ROBO1: variants seen among roughly 807,000 people sequenced by gnomAD.
ROBO1 encodes roundabout homolog 1.
A neutral mutation model predicts 195.9 loss-of-function variants in ROBO1; 149 were observed. The observed-to-expected ratio is 0.76, with a 90% CI of 0.67 to 0.87. The LOEUF (loss-of-function observed/expected upper bound fraction) is 0.87. ROBO1 is among the 40% of genes least tolerant of loss of function. The pLI, the probability that ROBO1 is intolerant of heterozygous loss-of-function variation, is 0.00. For synonymous variants in ROBO1, 816 were observed against 733.2 expected, an observed-to-expected ratio of 1.11 and a Z score of -1.82; for missense variants, 1,933 against 2,068.3, an observed-to-expected ratio of 0.93 and a Z score of 1.27.
intron 4 of ROBO1, among the ~76,000 whole-genome samples, chr3:78,902,759 G>A (rs1382941928): frequency 2.0e-5 from 3 of 152,072 alleles, no homozygotes; most frequent in Non-Finnish European, 2.9e-5. Context: ...CAGGAGAATC[G>A]CTTGAACCCA....
At chr3:79,064,304 T>C (rs781016322) in intron 3 of ROBO1, among the ~76,000 whole-genome samples, 24 of 152,042 alleles carry the variant, frequency 1.6e-4, no homozygotes, top group Non-Finnish European at 3.1e-4. Context: ...CCTTACATAC[T>C]TGTATACACT....
rs181573621 is a variant in ROBO1, at chr3:78,931,698, G to C, written c.499+6903C>G. On this transcript the variant is annotated intron_variant, in intron 4 of 30. Coordinates refer to ENST00000464233, the MANE Select transcript of ROBO1 (RefSeq NM_002941.4). ...AGGTTTAAATTGTCCAGGTACAGTGGCTTATGCCTATAATCACAGCACTTC... is the reference window on the plus strand; with the variant it reads ...AGGTTTAAATTGTCCAGGTACAGTGCCTTATGCCTATAATCACAGCACTTC... Among the ~76,000 whole-genome samples the C allele has an allele frequency of 3.9e-5, 6 of 152,282 alleles. No individual in the cohort carries two copies. In the East Asian group the frequency reaches 1.2e-3, roughly 29 times the overall value.
At chr3:79,523,161 C>CCACACACACACACACACACACACACA (rs139825740) in intron 2 of ROBO1, among the ~76,000 whole-genome samples, 2 of 146,268 alleles carry the variant, frequency 1.4e-5, no homozygotes, top group Non-Finnish European at 1.5e-5. Context: ...GCTTCATAAA[C>CCACACACACACACACACACACACACA]CACACACACA....
At chr3:79,120,241 C>T (rs534898383) in intron 3 of ROBO1, among the ~76,000 whole-genome samples, 11 of 152,254 alleles carry the variant, frequency 7.2e-5, no homozygotes, top group Non-Finnish European at 1.5e-4. Context: ...GCTAATGGAT[C>T]AGTCCAAGAG....
At chr3:79,156,501 G>C (rs892116115) in intron 2 of ROBO1, among the ~76,000 whole-genome samples, 3 of 151,656 alleles carry the variant, frequency 2.0e-5, no homozygotes, top group Non-Finnish European at 2.9e-5. Context: ...TAGTTACAAA[G>C]GAAAACGATT....
At chr3:78,933,410 A>G (rs2039637324) in intron 4 of ROBO1, among the ~76,000 whole-genome samples, 1 of 152,232 alleles carries the variant, frequency 6.6e-6, no homozygotes, top group East Asian at 1.9e-4. Flanking sequence ...CTTAATGTAT[A>G]TCCAAATACT....
At chr3:79,358,185 A>G (rs1314542788) in intron 2 of ROBO1, among the ~76,000 whole-genome samples, 1 of 152,092 alleles carries the variant, frequency 6.6e-6, no homozygotes, top group Non-Finnish European at 1.5e-5. Flanking sequence ...AAAAAATACT[A>G]TTTATCTATA....
intron 2 of ROBO1, among the ~76,000 whole-genome samples, chr3:79,182,328 T>C (rs546610858): frequency 1.8e-4 from 28 of 152,290 alleles, no homozygotes; most frequent in South Asian, 1.0e-3. Context: ...ACTGCCAAGC[T>C]CCAGAAACTA....
intron 2 of ROBO1, among the ~76,000 whole-genome samples, chr3:79,333,131 AG>A (rs1364846949): frequency 6.6e-6 from 1 of 151,310 alleles, no homozygotes; most frequent in African/African-American, 2.4e-5. Context: ...TGAACCTGAG[AG>A]GCGGAGGTTC....
chr3:78,917,864 A>G lies in ROBO1; in HGVS notation c.499+20737T>C, dbSNP rs554102401. 3.0e-3 allele frequency among the ~76,000 whole-genome samples: 453 copies of G among 152,314 alleles called. 1 individual carries two copies. Among genetic ancestry groups the G allele is most frequent in the Non-Finnish European group, 4.7e-3 (319 of 68,024 alleles). On this transcript the variant is annotated intron_variant, in intron 4 of 30. Coordinates refer to ENST00000464233, the MANE Select transcript of ROBO1 (RefSeq NM_002941.4). ...AAGGAAATGAGTGGTTTTTTTTCCA[A>G]CCACAACTCTCAGCTTCCATTCAGA...
At chr3:78,722,077 T>C (rs2082057504) in intron 5 of ROBO1, among the ~76,000 whole-genome samples, 1 of 152,136 alleles carries the variant, frequency 6.6e-6, no homozygotes. Context: ...ACCCTATTAC[T>C]ATAGCTCCAA....
At chr3:78,826,763 C>A (rs144834460) in intron 4 of ROBO1, among the ~76,000 whole-genome samples, 2 of 152,178 alleles carry the variant, frequency 1.3e-5, no homozygotes, top group South Asian at 2.1e-4. Context: ...GTTATCACTT[C>A]GATATATTTG....
chr3:79,134,150 C>T (rs1228303174), intron 2 of ROBO1, among the ~76,000 whole-genome samples: 1 of 143,806 alleles, frequency 7.0e-6, no homozygotes, highest in Non-Finnish European at 1.5e-5. Flanking sequence ...TGACAAAGGG[C>T]TAATATCCGG....
At chr3:78,758,525 C>CAAAA (rs5850391) in intron 4 of ROBO1, among the ~76,000 whole-genome samples, 77 of 85,274 alleles carry the variant, frequency 9.0e-4, no homozygotes, top group African/African-American at 3.4e-3. Flanking sequence ...GACCCTATCT[C>CAAAA]AAAAAAAAAA....
chr3:79,256,703 C>T (rs2082840510), intron 2 of ROBO1, among the ~76,000 whole-genome samples: 1 of 152,110 alleles, frequency 6.6e-6, no homozygotes, highest in South Asian at 2.1e-4. Flanking sequence ...TACTTTACAT[C>T]TATTAACTTT....
At chr3:79,557,743 A>AAAAAAAAAAAAATATATATATATAT (rs1472319919) in intron 2 of ROBO1, among the ~76,000 whole-genome samples, 2 of 130,832 alleles carry the variant, frequency 1.5e-5, no homozygotes, top group African/African-American at 6.1e-5. Flanking sequence ...AACAAAAAAA[A>AAAAAAAAAAAAATATATATATATAT]ATATATATAT....
chr3:79,503,881 T>G (rs1364345663), intron 2 of ROBO1, among the ~76,000 whole-genome samples: 1 of 152,210 alleles, frequency 6.6e-6, no homozygotes, highest in Non-Finnish European at 1.5e-5. Flanking sequence ...TTTGGCAAAA[T>G]GGCCGTCTTA....
intron 4 of ROBO1, among the ~76,000 whole-genome samples, chr3:78,807,327 T>G (rs2084576429): frequency 6.6e-6 from 1 of 152,190 alleles, no homozygotes; most frequent in South Asian, 2.1e-4. Flanking sequence ...ACATTTTCCC[T>G]ATCTTTGGAC....
At chr3:79,026,035 C>T (rs933755969) in intron 3 of ROBO1, among the ~76,000 whole-genome samples, 1 of 152,096 alleles carries the variant, frequency 6.6e-6, no homozygotes, top group African/African-American at 2.4e-5. Context: ...GATATTGTGT[C>T]ATTATTGTAT....
Sources: allele counts gnomAD v4.1 joint callset (sites outside exome capture counted in the v4.1 genomes callset), GRCh38; gene constraint gnomAD v4.1.1; transcripts MANE v1.5; gene names NCBI Gene and HGNC (gene_info 2026-07-23, HGNC 2026-07-21).